Variants in NDST4 observed in about 807,000 individuals in gnomAD.
The protein encoded by NDST4 is N-heparan sulfate sulfotransferase 4.
NDST4 carries 63 observed loss-of-function variants against 100.8 expected under a neutral mutation model. The ratio of observed to expected loss-of-function variants is 0.62; its 90% confidence interval spans 0.51 to 0.77. The LOEUF (loss-of-function observed/expected upper bound fraction) is 0.77. Ranked by LOEUF, NDST4 falls within the 30% of genes least tolerant of loss-of-function variation. NDST4 has a pLI of 0.00. For missense variants in NDST4, 943 were observed against 1,018.4 expected (o/e 0.93, Z 1.01); for synonymous variants, 377 against 361.8 (o/e 1.04, Z -0.48).
At chr4:114,974,965 A>G (rs1247658988) in intron 3 of NDST4, among the ~76,000 whole-genome samples, 2 of 152,142 alleles carry the variant, frequency 1.3e-5, no homozygotes, top group Non-Finnish European at 2.9e-5. Context: ...GAGAACAGAG[A>G]CAGTCAGTCC....
chr4:114,966,673 T>A (rs1726389554), intron 4 of NDST4, among the ~76,000 whole-genome samples: 1 of 152,126 alleles, frequency 6.6e-6, no homozygotes, highest in Non-Finnish European at 1.5e-5. Flanking sequence ...ACTTTTGATT[T>A]TTATCTGTAT....
intron 2 of NDST4, among the ~76,000 whole-genome samples, chr4:115,003,534 A>T (rs1034469428): frequency 6.6e-6 from 1 of 152,038 alleles, no homozygotes; most frequent in African/African-American, 2.4e-5. Context: ...ACTGACAAAA[A>T]TTTTTAAGAA....
intron 5 of NDST4, 112 bp from the exon 6 acceptor site, chr4:114,935,446 T>A (rs1725608632): frequency 9.9e-7 from 1 of 1,011,248 alleles, no homozygotes; most frequent in African/African-American, 1.7e-5. Flanking sequence ...ATTTTCTTGG[T>A]TGCTAAGGCC....
chr4:114,879,030 GTTTTA>G (rs1286639136), intron 6 of NDST4, among the ~76,000 whole-genome samples: 2 of 151,722 alleles, frequency 1.3e-5, no homozygotes, highest in Non-Finnish European at 2.9e-5. Flanking sequence ...TTATTTTTAG[GTTTTA>G]TTTTATTTTT....
chr4:114,957,773 G>A (rs186897905), intron 4 of NDST4, among the ~76,000 whole-genome samples: 35 of 152,266 alleles, frequency 2.3e-4, no homozygotes, highest in Non-Finnish European at 4.6e-4. Flanking sequence ...GGGAGAAATT[G>A]GCCAAAACAA....
At chr4:115,034,671 AAT>A (rs1454288676) in intron 2 of NDST4, among the ~76,000 whole-genome samples, 1 of 151,986 alleles carries the variant, frequency 6.6e-6, no homozygotes, top group African/African-American at 2.4e-5. Flanking sequence ...GTGGTGTTCT[AAT>A]CTTTTATAGG....
chr4:114,857,979 A>T (rs1035081646), intron 7 of NDST4, among the ~76,000 whole-genome samples: 5 of 152,184 alleles, frequency 3.3e-5, no homozygotes, highest in Admixed American at 6.5e-5. Flanking sequence ...GAGCAGTATG[A>T]TTCAGCCAGG....
chr4:115,108,407 C>T (rs1164854386), intron 1 of NDST4, among the ~76,000 whole-genome samples: 1 of 151,942 alleles, frequency 6.6e-6, no homozygotes, highest in African/African-American at 2.4e-5. Context: ...CAAGCCAAAG[C>T]ATCTAAATGT....
chr4:115,094,383 G>C (rs910846302), intron 1 of NDST4, among the ~76,000 whole-genome samples: 48 of 152,128 alleles, frequency 3.2e-4, no homozygotes, highest in African/African-American at 1.2e-3. Context: ...AATGATAAGA[G>C]TAATAGCTGT....
At chr4:115,098,888 G>C (rs987773413) in intron 1 of NDST4, among the ~76,000 whole-genome samples, 2 of 151,996 alleles carry the variant, frequency 1.3e-5, no homozygotes, top group Non-Finnish European at 2.9e-5. Context: ...TACATATTTT[G>C]TAGAGACAGT....
At chr4:115,071,620 T>C (rs1313860541) in intron 2 of NDST4, among the ~76,000 whole-genome samples, 5 of 152,058 alleles carry the variant, frequency 3.3e-5, no homozygotes, top group Non-Finnish European at 5.9e-5. Context: ...TTTTATACTA[T>C]TTCAGAGTAA....
chr4:114,980,869 A>T (rs1368188269), intron 2 of NDST4, among the ~76,000 whole-genome samples: 1 of 152,194 alleles, frequency 6.6e-6, no homozygotes, highest in Non-Finnish European at 1.5e-5. Flanking sequence ...TTTAATAAAC[A>T]TAACTTCCAT....
intron 1 of NDST4, among the ~76,000 whole-genome samples, chr4:115,083,492 A>T (rs1342993082): frequency 6.6e-6 from 1 of 152,168 alleles, no homozygotes; most frequent in Non-Finnish European, 1.5e-5. Context: ...CACAAAAATT[A>T]TTATATAAAC....
intron 6 of NDST4, among the ~76,000 whole-genome samples, chr4:114,884,270 T>G (rs1283860929): frequency 6.6e-6 from 1 of 152,092 alleles, no homozygotes; most frequent in African/African-American, 2.4e-5. Context: ...TGTGCTCACA[T>G]ATCAACTCCA....
At chr4:115,085,924 T>C (rs184659754) in intron 1 of NDST4, among the ~76,000 whole-genome samples, 2 of 152,160 alleles carry the variant, frequency 1.3e-5, no homozygotes, top group Non-Finnish European at 2.9e-5. Flanking sequence ...CAGAGGTAAG[T>C]AGTGCTTTAT....
intron 11 of NDST4, among the ~76,000 whole-genome samples, chr4:114,838,428 T>C (rs571334584): frequency 9.9e-5 from 15 of 152,248 alleles, no homozygotes; most frequent in Admixed American, 3.3e-4. Context: ...CCAATGCCCA[T>C]CAATTTTAGA....
chr4:114,970,462 C>T lies in NDST4; in HGVS notation c.1189G>A (p.Glu397Lys). 1 of 1,613,946 alleles carries T rather than the reference C, an allele frequency of 6.2e-7. No homozygotes were observed. Among genetic ancestry groups the T allele is most frequent in the Non-Finnish European group, 8.5e-7 (1 of 1,179,860 alleles). The part of the protein sequence containing the change: ...HLFHNESSLV[E>K]QMILNKEFAL... ...AATTCCTTGTTGAGAATCATCTGCT[C>T]TACTAAAGATGACTCGTTGTGGAAG... The change falls in exon 4 of 14, where the codon GAG becomes AAG. Residue 397 changes from glutamate to lysine, a missense_variant. By Grantham distance (56) the Glu-to-Lys change is moderately conservative. This residue lies in a region of NDST4 where 526 missense variants were observed against 634.1 expected (regional missense o/e 0.83). Coordinates refer to ENST00000264363, the MANE Select transcript of NDST4 (RefSeq NM_022569.3).
rs982312659 is a variant in NDST4 at position 115,021,698 on chromosome 4, A to G, written c.979-44424T>C. Among the ~76,000 whole-genome samples the G allele has an allele frequency of 2.0e-5, 3 of 151,942 alleles. No individual in the cohort carries two copies. In the East Asian group the frequency reaches 5.8e-4, roughly 30 times the overall value. ...CACATTCCATATATATACACGTTCC[A>G]CATCTATACACATTCCATATATATA... is the stretch of plus-strand genomic sequence containing the variant. On this transcript the variant is annotated intron_variant, in intron 2 of 13. Transcript: ENST00000264363.
rs17047442 is a variant in NDST4 at position 114,874,747 on chromosome 4, T to C, written c.1537-3797A>G. Among the ~76,000 whole-genome samples, 636 of 152,296 alleles carry C rather than the reference T, an allele frequency of 4.2e-3. 6 individuals carry two copies. The highest frequency in any genetic ancestry group is 0.015 in the African/African-American group (604 of 41,568). On this transcript the variant is annotated intron_variant, in intron 6 of 13. Transcript: ENST00000264363. ...TATAAGACAAATTAAAAATGGATGT[T>C]GTTGAGGTATAAATAAGAGAATTCA...
Sources: gnomAD v4.1 joint callset for allele counts (sites outside exome capture counted in the v4.1 genomes callset) on GRCh38, gnomAD v4.1.1 for gene constraint, gnomAD v4.1.1 regional missense constraint, MANE v1.5 for transcripts, NCBI Gene and HGNC (gene_info 2026-07-23, HGNC 2026-07-21) for gene names.